CEP89: variants seen among roughly 807,000 people sequenced by gnomAD.
The protein encoded by CEP89 is centrosomal protein of 89 kDa.
CEP89 carries 95 observed loss-of-function variants against 97.6 expected under a neutral mutation model. The observed-to-expected ratio is 0.97, with a 90% CI of 0.82 to 1.15. The LOEUF (loss-of-function observed/expected upper bound fraction) is 1.15. CEP89 is among the 50% of genes most tolerant of loss of function. CEP89 has a pLI of 0.00. For synonymous variants in CEP89, 354 were observed against 349.1 expected (o/e 1.01, Z -0.16); for missense variants, 869 against 947.7 (o/e 0.92, Z 1.09).
Position 32,903,215 on chromosome 19 carries a change from A to G in CEP89, c.1566-1803T>C, listed in dbSNP as rs150318840. Among the ~76,000 whole-genome samples, 679 of 152,220 alleles carry G rather than the reference A, an allele frequency of 4.5e-3. 2 individuals are homozygous for G. Among genetic ancestry groups the G allele is most frequent in the African/African-American group, 0.016 (659 of 41,538 alleles). On this transcript the variant is annotated intron_variant, in intron 14 of 18. Coordinates refer to ENST00000305768, the MANE Select transcript of CEP89 (RefSeq NM_032816.5). ...AAAAAAGAAAACAGAAAAGAAAGTA[A>G]ACAAATAAATAAATAATCCAACAAT...
At chr19:32,896,047 C>T (rs991880964) in intron 16 of CEP89, among the ~76,000 whole-genome samples, 7 of 152,204 alleles carry the variant, frequency 4.6e-5, no homozygotes, top group Admixed American at 4.6e-4. Flanking sequence ...CTCCCCAAAG[C>T]AATCAGCAGA....
chr19:32,958,240 A>C (rs1248529076), intron 3 of CEP89, among the ~76,000 whole-genome samples: 6 of 152,218 alleles, frequency 3.9e-5, no homozygotes, highest in South Asian at 4.1e-4. Context: ...AAACAAAAAT[A>C]AAAACAAGCC....
intron 5 of CEP89, among the ~76,000 whole-genome samples, chr19:32,945,097 C>T (rs1970767914): frequency 6.6e-6 from 1 of 152,034 alleles, no homozygotes; most frequent in African/African-American, 2.4e-5. Flanking sequence ...CCAGTCTGAC[C>T]AACACAGAGA....
chr19:32,935,474 C>T (rs896412348), intron 7 of CEP89, among the ~76,000 whole-genome samples: 1 of 152,104 alleles, frequency 6.6e-6, no homozygotes, highest in Non-Finnish European at 1.5e-5. Flanking sequence ...TGGAAGTTAA[C>T]GTTTGATTAA....
At position 32,953,742 on chromosome 19, in the gene CEP89, T is replaced by C. The variant is rs1044043934; in HGVS notation, c.365A>G (p.Asp122Gly). The change falls in exon 4 of 19, where the codon GAC becomes GGC. Residue 122 changes from aspartate to glycine, a missense_variant. Transcript: ENST00000305768. ...TTCAATGTCCTCTTCGTCCCCATAG[T>C]CCAGTGTTTCAAAGGATGGCAAAGA... The part of the protein sequence containing the change: ...RSSLPSFETL[D>G]YGDEEDIETQ... 2 of 1,613,980 alleles carry C rather than the reference T, an allele frequency of 1.2e-6. No individual in the cohort carries two copies. The highest frequency in any genetic ancestry group is 2.7e-5 in the African/African-American group (2 of 74,904).
At chr19:32,952,392 G>T (rs1470193448) in intron 4 of CEP89, among the ~76,000 whole-genome samples, 2 of 151,528 alleles carry the variant, frequency 1.3e-5, no homozygotes, top group African/African-American at 4.9e-5. Flanking sequence ...GAGGTGGGAG[G>T]ATCACTTGAG....
chr19:32,959,984 C>G lies in CEP89; in HGVS notation c.221G>C (p.Arg74Thr), dbSNP rs376568004. ...RTVAIPQPRQ[R>T]SRSESDVSSV... ...GCTCACATCACTCTCAGACCGGGAC[C>G]TCTGGCGAGGCTGAGGAATAGCAAC... The change falls in exon 3 of 19, where the codon AGG becomes ACG. Residue 74 changes from arginine (R) to threonine (T), a missense_variant. Physicochemically the swap from Arg to Thr is moderately conservative, Grantham distance 71 (BLOSUM62 -1). Transcript: ENST00000305768. 27 of 1,614,068 alleles carry G rather than the reference C, an allele frequency of 1.7e-5. No individual in the cohort carries two copies. Among genetic ancestry groups the G allele is most frequent in the Non-Finnish European group, 2.3e-5 (27 of 1,180,038 alleles).
At chr19:32,935,443 T>A (rs942157376) in intron 7 of CEP89, among the ~76,000 whole-genome samples, 3 of 152,088 alleles carry the variant, frequency 2.0e-5, no homozygotes, top group African/African-American at 4.8e-5. Context: ...CAGAGAGACG[T>A]AGTCAGTGTC....
intron 1 of CEP89, among the ~76,000 whole-genome samples, chr19:32,967,047 G>A (rs1187543190): frequency 2.6e-5 from 4 of 151,978 alleles, no homozygotes; most frequent in African/African-American, 4.8e-5. Flanking sequence ...GACTGGTCTC[G>A]AACTTCTAGC....
chr19:32,921,443 GCC>G (rs1970248263), intron 12 of CEP89, among the ~76,000 whole-genome samples: 1 of 152,104 alleles, frequency 6.6e-6, no homozygotes, highest in South Asian at 2.1e-4. Context: ...CCCTGAGCAA[GCC>G]TGACACTCTC....
chr19:32,925,208 A>C (rs1970329065), intron 11 of CEP89, among the ~76,000 whole-genome samples: 5 of 151,964 alleles, frequency 3.3e-5, no homozygotes, highest in Admixed American at 3.3e-4. Flanking sequence ...CTATATGGAC[A>C]CTTAAATGAG....
chr19:32,956,528 A>T (rs1451246921), intron 3 of CEP89, among the ~76,000 whole-genome samples: 4 of 151,544 alleles, frequency 2.6e-5, no homozygotes, highest in Non-Finnish European at 5.9e-5. Context: ...CCATGCCAGG[A>T]TGATTTTTGT....
At chr19:32,926,359 T>A (rs142709847) in intron 10 of CEP89, 86 bp from the exon 11 acceptor site, 2 of 947,400 alleles carry the variant, frequency 2.1e-6, no homozygotes, top group African/African-American at 3.3e-5. Flanking sequence ...AAGTTATACT[T>A]TTTTGAAATG....
At chr19:32,885,920 G>A (rs1011267928) in intron 17 of CEP89, among the ~76,000 whole-genome samples, 2 of 151,846 alleles carry the variant, frequency 1.3e-5, no homozygotes, top group Admixed American at 6.6e-5. Context: ...CCCTTATTGC[G>A]CTGTTATGAC....
intron 3 of CEP89, among the ~76,000 whole-genome samples, chr19:32,958,014 C>CCA (rs1303528704): frequency 1.1e-5 from 1 of 89,500 alleles, no homozygotes; most frequent in African/African-American, 5.9e-5. Flanking sequence ...ACAAAAAAAT[C>CCA]CCCCCCCCGC....
intron 6 of CEP89, 25 bp downstream of exon 6, chr19:32,939,832 C>T: frequency 9.5e-7 from 1 of 1,055,160 alleles, no homozygotes; most frequent in Non-Finnish European, 1.4e-6. Flanking sequence ...TTGAGAAAAT[C>T]AGTTTTTAAA....
intron 12 of CEP89, among the ~76,000 whole-genome samples, chr19:32,919,876 C>T (rs1173197326): frequency 6.6e-6 from 1 of 152,294 alleles, no homozygotes; most frequent in Middle Eastern, 3.4e-3. Context: ...GAACTCCTGA[C>T]CTCAGGTGAT....
rs758666229 is a variant in CEP89 at position 32,901,409 on chromosome 19, T to C, written c.1569A>G (p.Gln523=). The change falls in exon 15 of 19, where the codon CAA becomes CAG. Residue 523 remains glutamine (Q), a synonymous_variant. Transcript: ENST00000305768. ...HKSIVNELKS[Q]LQKEEEKERA... is the part of the protein sequence containing the mutation. Reference sequence around the variant, plus strand: ...TTTCTTTCTCTTCTTCCTTCTGTAATTGGCTGAAGGACAAAAACATTACAT... The same window carrying C: ...TTTCTTTCTCTTCTTCCTTCTGTAACTGGCTGAAGGACAAAAACATTACAT... 7 of 1,610,878 alleles carry C rather than the reference T, an allele frequency of 4.3e-6. No individual in the cohort carries two copies. Among genetic ancestry groups the C allele is most frequent in the East Asian group, 4.5e-5 (2 of 44,868 alleles).
intron 14 of CEP89, among the ~76,000 whole-genome samples, chr19:32,903,892 G>T (rs1440953052): frequency 1.3e-5 from 2 of 152,208 alleles, no homozygotes; most frequent in Non-Finnish European, 2.9e-5. Context: ...CGGGTGTGGG[G>T]TCCCCCACTG....
Sources: gnomAD v4.1 joint callset for allele counts (sites outside exome capture counted in the v4.1 genomes callset) on GRCh38, gnomAD v4.1.1 for gene constraint, MANE v1.5 for transcripts, NCBI Gene and HGNC (gene_info 2026-07-23, HGNC 2026-07-21) for gene names.